CAMTA1: variants seen among roughly 807,000 people sequenced by gnomAD.
CAMTA1 encodes calmodulin-binding transcription activator 1.
Under a neutral mutation model 170.9 loss-of-function variants are expected in CAMTA1, and 27 were observed. The observed-to-expected ratio is 0.16, with a 90% CI of 0.12 to 0.22. The LOEUF (loss-of-function observed/expected upper bound fraction) is 0.22, where lower values mean the gene tolerates loss of function less well. Ranked by LOEUF, CAMTA1 falls within the 10% of genes least tolerant of loss-of-function variation. The pLI is 1.00. For missense variants in CAMTA1, 1,619 were observed against 2,217.2 expected (o/e 0.73, Z 5.42); for synonymous variants, 833 against 891.5 (o/e 0.93, Z 1.17).
chr1:7,363,741 C>A (rs1054120556), intron 5 of CAMTA1, among the ~76,000 whole-genome samples: 1 of 152,106 alleles, frequency 6.6e-6, no homozygotes, highest in Admixed American at 6.5e-5. Flanking sequence ...GCTTGGCTGA[C>A]CCCAGCAAGG....
intron 6 of CAMTA1, among the ~76,000 whole-genome samples, chr1:7,630,998 C>G (rs569231823): frequency 6.6e-6 from 1 of 152,334 alleles, no homozygotes; most frequent in East Asian, 1.9e-4. Flanking sequence ...TAGCTGCCAA[C>G]TTTGGGGACC....
intron 6 of CAMTA1, among the ~76,000 whole-genome samples, chr1:7,628,229 C>T (rs191007180): frequency 6.6e-6 from 1 of 152,178 alleles, no homozygotes; most frequent in Admixed American, 6.5e-5. Context: ...ATTTCATTCT[C>T]CCAGGTTCGA....
intron 4 of CAMTA1, among the ~76,000 whole-genome samples, chr1:7,243,878 A>C (rs1280213671): frequency 1.3e-5 from 2 of 152,344 alleles, no homozygotes; most frequent in East Asian, 3.9e-4. Context: ...ACAAAAGCCA[A>C]AATTGACAAA....
At chr1:7,610,779 G>A (rs1389782484) in intron 6 of CAMTA1, among the ~76,000 whole-genome samples, 6 of 152,234 alleles carry the variant, frequency 3.9e-5, no homozygotes, top group Non-Finnish European at 5.9e-5. Context: ...GAGCCCCTAA[G>A]GCAAGGATGG....
At chr1:7,018,454 G>T (rs1230529268) in intron 3 of CAMTA1, among the ~76,000 whole-genome samples, 2 of 152,094 alleles carry the variant, frequency 1.3e-5, no homozygotes, top group Non-Finnish European at 2.9e-5. Flanking sequence ...CCCCCAGAAA[G>T]AACAGGTGGG....
chr1:7,560,128 A>C (rs910383676), intron 6 of CAMTA1, among the ~76,000 whole-genome samples: 1 of 152,176 alleles, frequency 6.6e-6, no homozygotes, highest in African/African-American at 2.4e-5. Flanking sequence ...CTCTCCCCCA[A>C]CTGTGGGGTG....
chr1:7,394,823 GTGTGTGTGTGTGTGTGTGTC>G (rs1049817801), intron 5 of CAMTA1, among the ~76,000 whole-genome samples: 41 of 149,844 alleles, frequency 2.7e-4, no homozygotes, highest in Admixed American at 1.9e-3. Flanking sequence ...GTGTGTGTGT[GTGTGTGTGTGTGTGTGTGTC>G]TGTGTGTGTG....
In CAMTA1 at chr1:7,173,629, C is replaced by T. The variant is rs753253257; in HGVS notation, c.303-75862C>T. On this transcript the variant is annotated intron_variant, in intron 4 of 22. Transcript: ENST00000303635. The surrounding 1 kb of genome is among the most constrained non-coding windows in gnomAD (Gnocchi z 5.4). ...CTCTTAATTCCTGACCTCAGGTGATCCACCCACCTCAGCCTCCCAAAGTGC... is the reference window on the plus strand; with the variant it reads ...CTCTTAATTCCTGACCTCAGGTGATTCACCCACCTCAGCCTCCCAAAGTGC... Among the ~76,000 whole-genome samples the T allele has an allele frequency of 1.3e-5, 2 of 152,112 alleles. No individual in the cohort carries two copies. Among genetic ancestry groups the T allele is most frequent in the Non-Finnish European group, 2.9e-5 (2 of 68,002 alleles).
At chr1:7,543,791 A>G (rs1484674097) in intron 6 of CAMTA1, among the ~76,000 whole-genome samples, 11 of 152,122 alleles carry the variant, frequency 7.2e-5, no homozygotes, top group Admixed American at 6.5e-4. Flanking sequence ...TCATCCTCAA[A>G]GAGTGTGTTT....
chr1:6,978,372 G>C (rs886261210), intron 3 of CAMTA1, among the ~76,000 whole-genome samples: 2 of 152,106 alleles, frequency 1.3e-5, no homozygotes, highest in African/African-American at 4.8e-5. Flanking sequence ...GGTGGCTCAC[G>C]CCTGTTATCC....
chr1:6,803,055 C>A (rs1287971845), intron 1 of CAMTA1, among the ~76,000 whole-genome samples: 1 of 152,176 alleles, frequency 6.6e-6, no homozygotes, highest in Non-Finnish European at 1.5e-5. Context: ...GGCCCCAGAA[C>A]TTTTTCTTTG....
chr1:6,866,579 C>T (rs184887246), intron 3 of CAMTA1, among the ~76,000 whole-genome samples: 4 of 151,992 alleles, frequency 2.6e-5, no homozygotes, highest in East Asian at 1.9e-4. Flanking sequence ...TGGGGTAGCA[C>T]GAGAAATGAG....
chr1:7,027,807 G>A (rs1039006906), intron 3 of CAMTA1, among the ~76,000 whole-genome samples: 5 of 152,114 alleles, frequency 3.3e-5, no homozygotes, highest in Non-Finnish European at 1.5e-5. Context: ...GTTGGGCATG[G>A]ATACAAAGAC....
intron 3 of CAMTA1, among the ~76,000 whole-genome samples, chr1:6,997,031 G>A (rs1306496758): frequency 6.6e-6 from 1 of 152,154 alleles, no homozygotes; most frequent in African/African-American, 2.4e-5. Flanking sequence ...GTTTGCAAGC[G>A]AACCTTTTGT....
chr1:7,578,351 G>C (rs2095222319), intron 6 of CAMTA1, among the ~76,000 whole-genome samples: 1 of 152,168 alleles, frequency 6.6e-6, no homozygotes, highest in Non-Finnish European at 1.5e-5. Flanking sequence ...GGTCCTCCAG[G>C]GAGCCGGGAG....
intron 6 of CAMTA1, among the ~76,000 whole-genome samples, chr1:7,603,608 C>A (rs535480225): frequency 2.2e-4 from 33 of 152,288 alleles, no homozygotes; most frequent in Non-Finnish European, 3.7e-4. Context: ...CTGAATACAG[C>A]ACACTGATGG....
At chr1:7,226,576 G>A (rs1017414848) in intron 4 of CAMTA1, among the ~76,000 whole-genome samples, 1 of 152,176 alleles carries the variant, frequency 6.6e-6, no homozygotes, top group Admixed American at 6.5e-5. Flanking sequence ...CCCAGAGATA[G>A]CCAGGGTCAA....
intron 3 of CAMTA1, among the ~76,000 whole-genome samples, chr1:7,055,214 C>T (rs1250025526): frequency 6.6e-6 from 1 of 152,130 alleles, no homozygotes; most frequent in East Asian, 1.9e-4. Context: ...AGTAATAGCA[C>T]CTAGCTTGTT....
chr1:7,127,247 C>CTTTTTTT lies in CAMTA1; in HGVS notation c.302+35893_302+35899dup, dbSNP rs61211407. ...AGGGGTGAAGGGAAGGCCAGAGGGGCTTTTTTTTTTTTTTTTTTTTTTTGC... is the reference window on the plus strand; with the variant it reads ...AGGGGTGAAGGGAAGGCCAGAGGGGCTTTTTTTTTTTTTTTTTTTTTTTTTTTTTTGC... On this transcript the variant is annotated intron_variant, in intron 4 of 22. Transcript: ENST00000303635. 4.2e-4 allele frequency among the ~76,000 whole-genome samples: 31 copies of CTTTTTTT among 73,480 alleles called. 1 individual carries two copies. The highest frequency in any genetic ancestry group is 9.0e-4 in the African/African-American group (16 of 17,750). The allele number at this position is 73,480 out of a possible 152,430, so 48.2% of individuals were successfully genotyped here.
Sources: allele counts gnomAD v4.1 joint callset (sites outside exome capture counted in the v4.1 genomes callset), GRCh38; gene constraint gnomAD v4.1.1; non-coding constraint Gnocchi (gnomAD v3.1); transcripts MANE v1.5; gene names NCBI Gene and HGNC (gene_info 2026-07-23, HGNC 2026-07-21).